TNFRSF21: variants seen among roughly 807,000 people sequenced by gnomAD.
TNFRSF21 encodes the protein TNF receptor superfamily member 21.
In TNFRSF21, 19 loss-of-function variants were observed where a neutral mutation model predicts 45.6. The ratio of observed to expected loss-of-function variants is 0.42; its 90% CI spans 0.29 to 0.61. TNFRSF21 has a LOEUF of 0.61. Among genes scored for constraint, TNFRSF21 ranks in the 20% least tolerant of loss-of-function variants. The pLI is 0.23. For synonymous variants in TNFRSF21, 314 were observed against 335.5 expected, an observed-to-expected ratio of 0.94 and a Z score of 0.70; for missense variants, 737 against 851.5, an observed-to-expected ratio of 0.87 and a Z score of 1.67.
At chr6:47,243,373 G>T (rs1764775842) in intron 4 of TNFRSF21, among the ~76,000 whole-genome samples, 1 of 152,106 alleles carries the variant, frequency 6.6e-6, no homozygotes, top group Non-Finnish European at 1.5e-5. Context: ...TACTGTGTGT[G>T]TGTGTATATA....
intron 3 of TNFRSF21, among the ~76,000 whole-genome samples, chr6:47,263,293 G>A (rs1481167998): frequency 1.3e-5 from 2 of 152,146 alleles, no homozygotes; most frequent in African/African-American, 4.8e-5. Flanking sequence ...TAAGCATGAG[G>A]TGCCTGTTAA....
intron 1 of TNFRSF21, among the ~76,000 whole-genome samples, chr6:47,296,925 CG>C (rs1762797670): frequency 6.6e-6 from 1 of 152,162 alleles, no homozygotes; most frequent in African/African-American, 2.4e-5. Context: ...TTCTGTGAGC[CG>C]CTCTTGCAGA....
At chr6:47,287,337 A>G (rs1762666275) in intron 1 of TNFRSF21, among the ~76,000 whole-genome samples, 1 of 150,804 alleles carries the variant, frequency 6.6e-6, no homozygotes, top group African/African-American at 2.4e-5. Flanking sequence ...AAAAAAAAGA[A>G]AAGAAAAATT....
At chr6:47,259,789 A>G (rs896045730) in intron 3 of TNFRSF21, among the ~76,000 whole-genome samples, 7 of 152,170 alleles carry the variant, frequency 4.6e-5, no homozygotes, top group Non-Finnish European at 7.3e-5. Context: ...CTAGTTAGGA[A>G]CTATCTGAGA....
chr6:47,289,505 A>G (rs1333770185), intron 1 of TNFRSF21, among the ~76,000 whole-genome samples: 3 of 152,192 alleles, frequency 2.0e-5, no homozygotes, highest in Non-Finnish European at 4.4e-5. Flanking sequence ...TTGTTAAGAA[A>G]CTTAACCTCA....
In TNFRSF21 at chr6:47,309,731, G is replaced by A. The variant is rs1762991251; in HGVS notation, c.-220C>T. The A allele has an allele frequency of 5.7e-6, 3 of 530,954 alleles. No individual in the cohort carries two copies. The highest frequency in any genetic ancestry group is 8.7e-6 in the Non-Finnish European group (3 of 344,106). 32.9% of individuals were successfully genotyped at this position (530,954 alleles called of 1,614,324 possible). A position where few individuals can be genotyped will look rare whatever the true frequency, so the allele number is the denominator to read the frequency against. On this transcript the variant is annotated 5_prime_UTR_variant, in exon 1 of 6. Transcript: ENST00000296861. ...CCCAGCGGCGCGGCCGCCCAGGCGG[G>A]GAGAAGCCGCCGCGACTGCAGCCCG...
chr6:47,278,015 G>T (rs1762522335), intron 3 of TNFRSF21, among the ~76,000 whole-genome samples: 1 of 152,296 alleles, frequency 6.6e-6, no homozygotes, highest in African/African-American at 2.4e-5. Flanking sequence ...AATTAGCAGG[G>T]TTCTCTCTCT....
rs939559773 is a variant in TNFRSF21, at chr6:47,232,578, G to A, written c.*187C>T. The A allele has an allele frequency of 1.4e-5, 8 of 552,574 alleles. No individual in the cohort carries two copies. The highest frequency in any genetic ancestry group is 6.8e-5 in the Admixed American group (2 of 29,354). The allele number at this position is 552,574 out of a possible 1,614,324, so 34.2% of individuals were successfully genotyped here. ...AAGAGTTATTTAAAAAAAAAAGAGA[G>A]AGAGAGAAGGAGAAAGAACTCAAGC... On this transcript the variant is annotated 3_prime_UTR_variant, in exon 6 of 6. Coordinates refer to ENST00000296861, the MANE Select transcript of TNFRSF21 (RefSeq NM_014452.5).
At chr6:47,283,643 T>C (rs1762600384) in intron 3 of TNFRSF21, among the ~76,000 whole-genome samples, 1 of 152,190 alleles carries the variant, frequency 6.6e-6, no homozygotes, top group Non-Finnish European at 1.5e-5. Flanking sequence ...AATTTCTCAT[T>C]TGTTAAATGA....
intron 3 of TNFRSF21, among the ~76,000 whole-genome samples, chr6:47,283,482 T>C (rs1194441211): frequency 6.6e-6 from 1 of 152,230 alleles, no homozygotes. Flanking sequence ...GGCAAACTTA[T>C]GACAAGTTGG....
At chr6:47,280,204 G>A (rs1582345509) in intron 3 of TNFRSF21, among the ~76,000 whole-genome samples, 1 of 152,284 alleles carries the variant, frequency 6.6e-6, no homozygotes, top group East Asian at 1.9e-4. Flanking sequence ...GGTTTTAGAA[G>A]ACCTCTGATA....
At chr6:47,294,357 T>A (rs1762767784) in intron 1 of TNFRSF21, among the ~76,000 whole-genome samples, 1 of 152,218 alleles carries the variant, frequency 6.6e-6, no homozygotes, top group Non-Finnish European at 1.5e-5. Context: ...TTGGCCAGGA[T>A]GGTCTCCATC....
chr6:47,234,266 T>C (rs1482693244), intron 5 of TNFRSF21, among the ~76,000 whole-genome samples: 3 of 152,198 alleles, frequency 2.0e-5, no homozygotes, highest in Non-Finnish European at 2.9e-5. Flanking sequence ...CGTGAGCTGC[T>C]GCGCACGGCC....
intron 3 of TNFRSF21, 113 bp from the exon 4 acceptor site, chr6:47,253,634 A>G (rs1049756105): frequency 7.8e-7 from 1 of 1,285,752 alleles, no homozygotes; most frequent in African/African-American, 1.5e-5. Flanking sequence ...CTATCGCTGT[A>G]TGTCAAAGGA....
chr6:47,297,267 C>T (rs1249600481), intron 1 of TNFRSF21, among the ~76,000 whole-genome samples: 1 of 152,078 alleles, frequency 6.6e-6, no homozygotes, highest in African/African-American at 2.4e-5. Context: ...GTGTCTCTGC[C>T]TCCTCATTAG....
At chr6:47,295,974 T>A (rs1177816019) in intron 1 of TNFRSF21, among the ~76,000 whole-genome samples, 2 of 152,200 alleles carry the variant, frequency 1.3e-5, no homozygotes, top group Non-Finnish European at 2.9e-5. Flanking sequence ...CAGGTGCTGT[T>A]TTCCCTGGAA....
At chr6:47,244,300 GGCGACACA>G (rs1764794377) in intron 4 of TNFRSF21, among the ~76,000 whole-genome samples, 1 of 144,870 alleles carries the variant, frequency 6.9e-6, no homozygotes, top group African/African-American at 2.6e-5. Flanking sequence ...CGCCAGCCTG[GGCGACACA>G]GCAAGACTCC....
Position 47,232,696 on chromosome 6 carries a change from A to T in TNFRSF21, c.*69T>A. ...ACACCCCAAACAACAAAAATCAGAA[A>T]CAGAAGAAAATTAAAAAACCACCCT... is the stretch of plus-strand genomic sequence containing the variant. On this transcript the variant is annotated 3_prime_UTR_variant, in exon 6 of 6. Transcript: ENST00000296861. 6.9e-7 allele frequency: 1 copy of T among 1,442,188 alleles called. No homozygotes were observed. Among genetic ancestry groups the T allele is most frequent in the Non-Finnish European group, 9.7e-7 (1 of 1,035,100 alleles). 89.3% of individuals were successfully genotyped at this position (1,442,188 alleles called of 1,614,324 possible).
chr6:47,242,028 A>G (rs1457321993), intron 4 of TNFRSF21, among the ~76,000 whole-genome samples: 1 of 152,140 alleles, frequency 6.6e-6, no homozygotes, highest in Non-Finnish European at 1.5e-5. Context: ...GGGATGGAAG[A>G]AAGAACAGGA....
Sources: allele counts gnomAD v4.1 joint callset (sites outside exome capture counted in the v4.1 genomes callset), GRCh38; gene constraint gnomAD v4.1.1; transcripts MANE v1.5; gene names NCBI Gene and HGNC (gene_info 2026-07-23, HGNC 2026-07-21).